The following LIPJ variants were observed in gnomAD, a reference collection of about 807,000 sequenced individuals.
The protein encoded by LIPJ is lipase family member J, also known as lipase member J.
In LIPJ, 33 loss-of-function variants were observed where a neutral mutation model predicts 39.8. That is an observed-to-expected ratio of 0.83 (90% CI 0.63 to 1.11). The LOEUF (loss-of-function observed/expected upper bound fraction) is 1.11, where lower values mean the gene tolerates loss of function less well. LIPJ is among the 50% of genes least tolerant of loss of function. The probability of loss-of-function intolerance (pLI) is 0.00; values close to 1 mark genes in which losing one functional copy is unlikely to be tolerated. For missense variants in LIPJ, 422 were observed against 427.9 expected (o/e 0.99, Z 0.12); for synonymous variants, 128 against 139.2 (o/e 0.92, Z 0.57).
intron 9 of LIPJ, among the ~76,000 whole-genome samples, chr10:88,603,323 C>T (rs1213661910): frequency 1.3e-5 from 2 of 152,152 alleles, no homozygotes; most frequent in Non-Finnish European, 2.9e-5. Flanking sequence ...CTCTGAAACG[C>T]TTTCACTAGA....
At chr10:88,582,986 T>C, upstream of LIPJ, 2 of 1,462,042 alleles carry the variant, frequency 1.4e-6, no homozygotes, top group Non-Finnish European at 1.8e-6. Context: ...GTTTTCGCCT[T>C]AGACTTTCTT....
chr10:88,606,691 C>T (rs202219344), exon 11 of LIPJ: 2 of 1,610,714 alleles, frequency 1.2e-6, no homozygotes, highest in Middle Eastern at 1.7e-4. Flanking sequence ...CTCCATTATA[C>T]AACATGACAA....
chr10:88,585,988 T>G (rs17429925), upstream of LIPJ, among the ~76,000 whole-genome samples: 1,111 of 152,346 alleles, frequency 7.3e-3, 28 homozygotes, highest in South Asian at 0.083. Flanking sequence ...ATCTTTCTTT[T>G]CCTTGAACAC....
At chr10:88,582,926 TC>T (rs1436811434), upstream of LIPJ, 3 of 852,758 alleles carry the variant, frequency 3.5e-6, no homozygotes, top group Non-Finnish European at 4.9e-6. Context: ...GGCGCGCCAC[TC>T]GGCGCATGGG....
At chr10:88,617,809 G>A in the LIPJ span, among the ~76,000 whole-genome samples, 1 of 152,092 alleles carries the variant, frequency 6.6e-6, no homozygotes, top group Non-Finnish European at 1.5e-5. Flanking sequence ...GGAAGAAATG[G>A]GAACAGCTTT....
At chr10:88,593,796 G>A (rs1189211678) in intron 4 of LIPJ, 150 bp from the exon 5 acceptor site, 9 of 618,870 alleles carry the variant, frequency 1.5e-5, no homozygotes, top group African/African-American at 3.7e-5. Context: ...GTCATACAAC[G>A]GGATTAAATC....
rs1851268249 is a variant in LIPJ at position 88,596,789 on chromosome 10, GGC to G, written c.577_578del (p.Ala193PhefsTer10). On this transcript the variant is annotated frameshift_variant and splice_region_variant, in exon 8 of 11. Coordinates refer to ENST00000371939, the Ensembl canonical transcript of LIPJ. LOFTEE classifies it high-confidence loss of function. ...GTGGATAAAATAAATTTATTTTACAGGCTTTTTCAGGCAACAAAGACTTCTTG... is the reference window on the plus strand; with the variant it reads ...GTGGATAAAATAAATTTATTTTACAGTTTTTCAGGCAACAAAGACTTCTTG... 3 of 1,597,848 alleles carry G rather than the reference GGC, an allele frequency of 1.9e-6. No homozygotes were observed. In the East Asian group the frequency reaches 6.7e-5, roughly 36 times the overall value.
chr10:88,596,352 T>C (rs1304442056), exon 7 of LIPJ: 1 of 1,565,206 alleles, frequency 6.4e-7, no homozygotes, highest in Admixed American at 1.9e-5. Flanking sequence ...GCACCAGTTT[T>C]TTCCACAAAG....
chr10:88,611,391 A>T (rs1316075902), downstream of LIPJ, among the ~76,000 whole-genome samples: 1 of 152,260 alleles, frequency 6.6e-6, no homozygotes, highest in Non-Finnish European at 1.5e-5. Flanking sequence ...CCAGCTCACC[A>T]GCAATGGATC....
At chr10:88,620,262 G>T in the LIPJ span, among the ~76,000 whole-genome samples, 8 of 152,054 alleles carry the variant, frequency 5.3e-5, no homozygotes, top group Non-Finnish European at 1.2e-4. Flanking sequence ...TCCAAAATAG[G>T]ATTCTGGAAC....
chr10:88,605,404 G>A (rs1179293966), intron 9 of LIPJ, among the ~76,000 whole-genome samples: 4 of 152,052 alleles, frequency 2.6e-5, no homozygotes, highest in South Asian at 4.2e-4. Context: ...CTGGGTATAT[G>A]TACATTCATA....
chr10:88,622,719 G>T, the LIPJ span, among the ~76,000 whole-genome samples: 1 of 152,086 alleles, frequency 6.6e-6, no homozygotes, highest in Non-Finnish European at 1.5e-5. Flanking sequence ...GGAACTAGAG[G>T]CAACACAGTG....
upstream of LIPJ, chr10:88,585,714 C>G (rs1850888932): frequency 6.6e-6 from 1 of 151,924 alleles, no homozygotes; most frequent in South Asian, 2.1e-4. Flanking sequence ...TTCTGATAAC[C>G]CACTATCATC....
upstream of LIPJ, chr10:88,583,199 G>A: frequency 1.2e-6 from 2 of 1,613,624 alleles, no homozygotes; most frequent in South Asian, 1.1e-5. Flanking sequence ...ATGGCGAGAG[G>A]GAGCAGCGAT....
intron 8 of LIPJ, among the ~76,000 whole-genome samples, chr10:88,598,252 A>T (rs934041559): frequency 6.6e-5 from 10 of 151,968 alleles, no homozygotes; most frequent in African/African-American, 2.2e-4. Flanking sequence ...AGTATGAAAA[A>T]CCAAAAGAGA....
At chr10:88,608,441 A>T (rs952877720), downstream of LIPJ, among the ~76,000 whole-genome samples, 1 of 152,222 alleles carries the variant, frequency 6.6e-6, no homozygotes, top group African/African-American at 2.4e-5. Flanking sequence ...CCTTAAAAAA[A>T]TTGCATGCAA....
chr10:88,602,635 T>A, exon 9 of LIPJ: 1 of 1,588,044 alleles, frequency 6.3e-7, no homozygotes, highest in Non-Finnish European at 8.6e-7. Flanking sequence ...AAAATATGCT[T>A]CATTGGAGTC....
At chr10:88,591,427 T>C (rs774122637) in exon 4 of LIPJ, 5 of 1,602,570 alleles carry the variant, frequency 3.1e-6, no homozygotes, top group South Asian at 1.1e-5. Context: ...TATGATATTG[T>C]AACCGAAGAT....
intron 9 of LIPJ, among the ~76,000 whole-genome samples, chr10:88,603,304 T>C (rs1236226680): frequency 6.6e-6 from 1 of 152,174 alleles, no homozygotes; most frequent in South Asian, 2.1e-4. Context: ...TTAGTTATCC[T>C]AATGCCTACT....
Sources: gnomAD v4.1 joint callset for allele counts (sites outside exome capture counted in the v4.1 genomes callset) on GRCh38, gnomAD v4.1.1 for gene constraint, MANE v1.5 for transcripts, NCBI Gene and HGNC (gene_info 2026-07-23, HGNC 2026-07-21) for gene names.